CNBD1: variants seen among roughly 807,000 people sequenced by gnomAD.
The protein encoded by CNBD1 is cyclic nucleotide binding domain containing 1.
Under a neutral mutation model 54.4 loss-of-function variants are expected in CNBD1, and 71 were observed. The observed-to-expected ratio is 1.30, with a 90% CI of 1.08 to 1.59. The LOEUF (loss-of-function observed/expected upper bound fraction) is 1.59, where lower values mean the gene tolerates loss of function less well. Among genes scored for constraint, CNBD1 ranks in the 40% most tolerant of loss-of-function variants. The pLI is 0.00. For missense variants in CNBD1, 659 were observed against 518.0 expected, an observed-to-expected ratio of 1.27 and a Z score of -2.64; for synonymous variants, 182 against 170.7, an observed-to-expected ratio of 1.07 and a Z score of -0.51.
intron 4 of CNBD1, among the ~76,000 whole-genome samples, chr8:87,081,554 G>A (rs1488540305): frequency 6.7e-6 from 1 of 148,286 alleles, no homozygotes; most frequent in Non-Finnish European, 1.5e-5. Context: ...CCTCCAGGCT[G>A]GAGTGCAGTG....
intron 6 of CNBD1, among the ~76,000 whole-genome samples, chr8:87,244,090 T>A (rs1263489738): frequency 6.6e-6 from 1 of 152,106 alleles, no homozygotes; most frequent in Non-Finnish European, 1.5e-5. Context: ...GCCCAGGGTG[T>A]TCAGGGCACA....
chr8:87,225,835 C>A (rs1814472510), intron 5 of CNBD1, among the ~76,000 whole-genome samples: 1 of 145,914 alleles, frequency 6.9e-6, no homozygotes, highest in Non-Finnish European at 1.5e-5. Flanking sequence ...CTCCTTGTAC[C>A]TCTGGTAGAA....
chr8:86,874,643 A>G (rs937479604), intron 1 of CNBD1, among the ~76,000 whole-genome samples: 1 of 152,164 alleles, frequency 6.6e-6, no homozygotes, highest in Admixed American at 6.5e-5. Flanking sequence ...AATTAAATAT[A>G]GGAACTCTGG....
At chr8:86,870,206 T>TTTTTTTTTTTTTTTGG (rs1808423447) in intron 1 of CNBD1, among the ~76,000 whole-genome samples, 1 of 148,368 alleles carries the variant, frequency 6.7e-6, no homozygotes, top group African/African-American at 2.5e-5. Flanking sequence ...TTTTTTTTTC[T>TTTTTTTTTTTTTTTGG]GAGACGGAAT....
At chr8:87,035,051 A>T (rs1809885857) in intron 4 of CNBD1, among the ~76,000 whole-genome samples, 1 of 152,174 alleles carries the variant, frequency 6.6e-6, no homozygotes, top group Non-Finnish European at 1.5e-5. Context: ...GGGAGTTGTC[A>T]TAATTTTTAA....
intron 6 of CNBD1, among the ~76,000 whole-genome samples, chr8:87,241,568 C>G (rs931376457): frequency 2.0e-5 from 3 of 151,978 alleles, no homozygotes; most frequent in Non-Finnish European, 4.4e-5. Context: ...CACTGCACCC[C>G]GCCCATGGAA....
chr8:87,236,471 T>C (rs1807586388), intron 5 of CNBD1, among the ~76,000 whole-genome samples: 1 of 152,096 alleles, frequency 6.6e-6, no homozygotes, highest in Non-Finnish European at 1.5e-5. Context: ...ATTGTCATCA[T>C]GTCCAGAGCA....
At chr8:87,030,911 C>T (rs1487893150) in intron 4 of CNBD1, among the ~76,000 whole-genome samples, 2 of 66,254 alleles carry the variant, frequency 3.0e-5, no homozygotes, top group Non-Finnish European at 6.6e-5. Context: ...CCCACCTCCT[C>T]CTCCCCCCCT....
At chr8:87,056,640 C>T (rs537778838) in intron 4 of CNBD1, among the ~76,000 whole-genome samples, 6 of 151,866 alleles carry the variant, frequency 4.0e-5, no homozygotes, top group African/African-American at 1.2e-4. Flanking sequence ...CCAAAAAAGT[C>T]CCTCAACTAG....
intron 4 of CNBD1, among the ~76,000 whole-genome samples, chr8:87,005,828 G>A (rs1222026516): frequency 6.6e-6 from 1 of 152,038 alleles, no homozygotes; most frequent in African/African-American, 2.4e-5. Context: ...TTGCTAATTG[G>A]TGCTTATGGA....
At chr8:87,183,510 A>G (rs1040634759) in intron 4 of CNBD1, among the ~76,000 whole-genome samples, 4 of 150,516 alleles carry the variant, frequency 2.7e-5, no homozygotes, top group South Asian at 2.1e-4. Context: ...TGCCATCCAG[A>G]TTCTGAATTC....
Position 87,166,080 on chromosome 8 carries a change from A to G in CNBD1, c.432-39913A>G, listed in dbSNP as rs1812957165. Among the ~76,000 whole-genome samples the G allele has an allele frequency of 6.6e-6, 1 of 151,934 alleles. No homozygotes were observed. The highest frequency in any genetic ancestry group is 1.5e-5 in the Non-Finnish European group (1 of 67,916). ...ATAAGGGCATCTTCTACCATATCTGAAATAAAACTAACTCTTGGTTTCCTC... is the reference window on the plus strand; with the variant it reads ...ATAAGGGCATCTTCTACCATATCTGGAATAAAACTAACTCTTGGTTTCCTC... On this transcript the variant is annotated intron_variant, in intron 4 of 10. Coordinates refer to ENST00000518476, the MANE Select transcript of CNBD1 (RefSeq NM_173538.3). The surrounding 1 kb of genome is among the most constrained non-coding windows in gnomAD (Gnocchi z 4.3).
At chr8:87,327,401 C>G (rs193234967) in intron 8 of CNBD1, among the ~76,000 whole-genome samples, 5,601 of 151,734 alleles carry the variant, frequency 0.037, 338 homozygotes, top group African/African-American at 0.13. Context: ...CCCTCCCCCA[C>G]CCTCGCTGCT....
intron 4 of CNBD1, among the ~76,000 whole-genome samples, chr8:87,140,237 C>T (rs1032439560): frequency 1.3e-5 from 2 of 152,054 alleles, no homozygotes; most frequent in Non-Finnish European, 2.9e-5. Flanking sequence ...CTCTGTCTCT[C>T]ATACACACAC....
chr8:87,102,850 G>C (rs1371964818), intron 4 of CNBD1, among the ~76,000 whole-genome samples: 1 of 152,000 alleles, frequency 6.6e-6, no homozygotes, highest in African/African-American at 2.4e-5. Flanking sequence ...TCCTGACTTC[G>C]TGATCCGCCC....
At chr8:87,036,557 G>T (rs1452042340) in intron 4 of CNBD1, among the ~76,000 whole-genome samples, 2 of 125,826 alleles carry the variant, frequency 1.6e-5, no homozygotes, top group African/African-American at 3.0e-5. Context: ...TTGTGCCACT[G>T]CACTCCAGCC....
chr8:87,046,529 G>T (rs1810194329), intron 4 of CNBD1, among the ~76,000 whole-genome samples: 1 of 152,186 alleles, frequency 6.6e-6, no homozygotes, highest in Non-Finnish European at 1.5e-5. Flanking sequence ...CCCCTCCAAT[G>T]CCTAGGGAGA....
chr8:87,422,073 T>A (rs150119770), intron 2 of CNBD1, among the ~76,000 whole-genome samples: 4 of 138,552 alleles, frequency 2.9e-5, no homozygotes, highest in African/African-American at 1.2e-4. Flanking sequence ...TAAATGTCTT[T>A]GTTTGAGAAG....
intron 4 of CNBD1, among the ~76,000 whole-genome samples, chr8:87,198,809 T>C (rs1342295251): frequency 6.6e-6 from 1 of 152,218 alleles, no homozygotes; most frequent in Non-Finnish European, 1.5e-5. Context: ...AGGCCAGTCT[T>C]GCATTGCCAT....
Sources: gnomAD v4.1 joint callset for allele counts (sites outside exome capture counted in the v4.1 genomes callset) on GRCh38, gnomAD v4.1.1 for gene constraint, Gnocchi (gnomAD v3.1) non-coding constraint, MANE v1.5 for transcripts, NCBI Gene and HGNC (gene_info 2026-07-23, HGNC 2026-07-21) for gene names.